Variants in IQUB observed in about 807,000 individuals in gnomAD.
The protein encoded by IQUB is IQ motif and ubiquitin-like domain-containing protein.
A neutral mutation model predicts 86.4 loss-of-function variants in IQUB; 86 were observed. The observed-to-expected ratio is 1.00, with a 90% confidence interval of 0.84 to 1.19. The LOEUF is 1.19. IQUB is among the 50% of genes most tolerant of loss of function. The pLI, the probability that IQUB is intolerant of heterozygous loss-of-function variation, is 0.00. For missense variants in IQUB, 946 were observed against 916.9 expected (o/e 1.03, Z -0.41); for synonymous variants, 289 against 304.5 (o/e 0.95, Z 0.53).
chr7:123,511,672 T>C (rs1796418619), intron 2 of IQUB, among the ~76,000 whole-genome samples: 1 of 152,214 alleles, frequency 6.6e-6, no homozygotes, highest in Non-Finnish European at 1.5e-5. Context: ...TAAACATTTT[T>C]AAAACCTACT....
At chr7:123,518,171 T>C (rs1562873047) in intron 1 of IQUB, among the ~76,000 whole-genome samples, 1 of 151,978 alleles carries the variant, frequency 6.6e-6, no homozygotes. Flanking sequence ...TCACCCATTA[T>C]CCAGCCACTC....
chr7:123,507,305 A>C (rs1026952683), intron 3 of IQUB, among the ~76,000 whole-genome samples: 1 of 152,214 alleles, frequency 6.6e-6, no homozygotes, highest in African/African-American at 2.4e-5. Flanking sequence ...GATATTCAAC[A>C]CTTATAAAAG....
intron 1 of IQUB, among the ~76,000 whole-genome samples, chr7:123,528,759 G>A (rs1797384255): frequency 6.6e-6 from 1 of 152,160 alleles, no homozygotes; most frequent in Non-Finnish European, 1.5e-5. Context: ...ATCAGAGAAT[G>A]TCTTTTATTC....
chr7:123,533,277 G>A (rs913425780), intron 1 of IQUB, among the ~76,000 whole-genome samples: 1 of 152,136 alleles, frequency 6.6e-6, no homozygotes, highest in African/African-American at 2.4e-5. Flanking sequence ...CTGAAAATGA[G>A]TTCCCAGAAT....
intron 10 of IQUB, chr7:123,462,964 G>T: frequency 3.0e-6 from 1 of 330,796 alleles, no homozygotes; most frequent in South Asian, 2.4e-5. Flanking sequence ...TGTGGGGGTA[G>T]TGGTGTTCCT....
chr7:123,506,936 C>T (rs1354268686), intron 3 of IQUB, among the ~76,000 whole-genome samples: 1 of 152,190 alleles, frequency 6.6e-6, no homozygotes, highest in Non-Finnish European at 1.5e-5. Context: ...TGCCCAGCCA[C>T]TGGTGTATTC....
rs181905911 is a variant in IQUB, at chr7:123,517,338, T to C, written c.-4-4994A>G. Among the ~76,000 whole-genome samples, 405 of 151,856 alleles carry C rather than the reference T, an allele frequency of 2.7e-3. 2 individuals carry two copies. Among genetic ancestry groups the C allele is most frequent in the African/African-American group, 9.5e-3 (395 of 41,422 alleles). On this transcript the variant is annotated intron_variant, in intron 1 of 12. Coordinates refer to ENST00000324698, the MANE Select transcript of IQUB (RefSeq NM_178827.5). ...CGAGGTCAGGAGATCGAGACCATCC[T>C]GGCTAACACGGTGAAACCCCGCTCT...
intron 1 of IQUB, among the ~76,000 whole-genome samples, chr7:123,524,872 C>T (rs1327256934): frequency 1.3e-5 from 2 of 151,378 alleles, no homozygotes; most frequent in Non-Finnish European, 2.9e-5. Flanking sequence ...TCAGATACGT[C>T]CCATCAATAC....
chr7:123,455,598 C>CT (rs1363126102), intron 12 of IQUB, among the ~76,000 whole-genome samples: 1 of 152,090 alleles, frequency 6.6e-6, no homozygotes, highest in Non-Finnish European at 1.5e-5. Flanking sequence ...ACCATTATCT[C>CT]TTTTTTATAG....
intron 7 of IQUB, among the ~76,000 whole-genome samples, chr7:123,493,304 T>C (rs1209949384): frequency 6.6e-6 from 1 of 152,052 alleles, no homozygotes; most frequent in Non-Finnish European, 1.5e-5. Flanking sequence ...GCAATGGCTC[T>C]CTCCAAAAAA....
At chr7:123,500,087 T>C (rs1795872955) in intron 6 of IQUB, among the ~76,000 whole-genome samples, 1 of 152,194 alleles carries the variant, frequency 6.6e-6, no homozygotes, top group African/African-American at 2.4e-5. Context: ...GCATGAATAA[T>C]CCACCCCTTG....
intron 1 of IQUB, chr7:123,532,776 G>C (rs905955063): frequency 3.9e-5 from 6 of 152,162 alleles, no homozygotes; most frequent in Non-Finnish European, 8.8e-5. Context: ...CAACCCTCCT[G>C]AAGACACCTA....
chr7:123,525,162 C>G (rs953182108), intron 1 of IQUB, among the ~76,000 whole-genome samples: 17 of 152,204 alleles, frequency 1.1e-4, no homozygotes, highest in Admixed American at 2.0e-4. Context: ...CTAAAATTCT[C>G]TTTTTTGGTT....
chr7:123,506,763 G>C (rs926730447), intron 3 of IQUB, among the ~76,000 whole-genome samples: 3 of 152,150 alleles, frequency 2.0e-5, no homozygotes, highest in Non-Finnish European at 2.9e-5. Context: ...GAACAGAGAA[G>C]CATATATGCA....
At chr7:123,471,833 C>G (rs1794536554) in intron 8 of IQUB, among the ~76,000 whole-genome samples, 1 of 152,158 alleles carries the variant, frequency 6.6e-6, no homozygotes. Flanking sequence ...TAAAAACACA[C>G]AAGTATACAA....
chr7:123,495,784 AT>A (rs1216373544), intron 7 of IQUB, among the ~76,000 whole-genome samples: 1 of 152,118 alleles, frequency 6.6e-6, no homozygotes, highest in Non-Finnish European at 1.5e-5. Context: ...CCTTTCATTC[AT>A]TCATTCATTC....
Position 123,512,103 on chromosome 7 carries a change from C to G in IQUB, c.238G>C (p.Glu80Gln), listed in dbSNP as rs767742873. 3.0e-5 allele frequency: 48 copies of G among 1,613,934 alleles called. No homozygotes were observed. The highest frequency in any genetic ancestry group is 5.0e-5 in the Admixed American group (3 of 59,988). ...SLEPDNEQLM[E>Q]EVISPRQVSY... ...ACTTGTCTTGGTGATATAACCTCTT[C>G]CATGAGTTGTTCATTGTCTGGTTCC... Residue 80 changes from glutamate to glutamine, a missense_variant, in exon 2 of 13, where the codon GAA becomes CAA. Glu to Gln is a conservative substitution (Grantham distance 29). Transcript: ENST00000324698.
chr7:123,484,370 C>A (rs1222886952), intron 7 of IQUB, among the ~76,000 whole-genome samples: 2 of 151,844 alleles, frequency 1.3e-5, no homozygotes, highest in African/African-American at 4.8e-5. Flanking sequence ...TACCAAAAAG[C>A]AGTTTATGAA....
chr7:123,471,992 C>T (rs1246970420), intron 8 of IQUB, among the ~76,000 whole-genome samples: 2 of 152,148 alleles, frequency 1.3e-5, no homozygotes, highest in East Asian at 3.9e-4. Flanking sequence ...AATTTCAGCA[C>T]TTTGGGAGGC....
Sources: allele counts gnomAD v4.1 joint callset (sites outside exome capture counted in the v4.1 genomes callset), GRCh38; gene constraint gnomAD v4.1.1; transcripts MANE v1.5; gene names NCBI Gene and HGNC (gene_info 2026-07-23, HGNC 2026-07-21).